PI4K2A: variants seen among roughly 807,000 people sequenced by gnomAD.
PI4K2A encodes the protein phosphatidylinositol 4-kinase type 2 alpha.
In PI4K2A, 20 loss-of-function variants were observed where a neutral mutation model predicts 55.0. That is an observed-to-expected ratio of 0.36 (90% CI 0.26 to 0.53). The LOEUF is 0.53. Among genes scored for constraint, PI4K2A ranks in the 20% least tolerant of loss-of-function variants. The probability of loss-of-function intolerance (pLI) is 0.91; values close to 1 mark genes in which losing one functional copy is unlikely to be tolerated. For synonymous variants in PI4K2A, 235 were observed against 258.5 expected, an observed-to-expected ratio of 0.91 and a Z score of 0.87; for missense variants, 463 against 637.1, an observed-to-expected ratio of 0.73 and a Z score of 2.94.
intron 1 of PI4K2A, among the ~76,000 whole-genome samples, chr10:97,643,919 A>G (rs950778658): frequency 6.6e-6 from 1 of 152,224 alleles, no homozygotes; most frequent in Admixed American, 6.5e-5. Flanking sequence ...AGGTGACAAC[A>G]CAAGCCCATG....
intron 4 of PI4K2A, among the ~76,000 whole-genome samples, chr10:97,657,982 C>T (rs969309681): frequency 2.6e-5 from 4 of 152,078 alleles, no homozygotes; most frequent in African/African-American, 7.2e-5. Flanking sequence ...ATTACAGACA[C>T]CCGCCATCAT....
intron 4 of PI4K2A, among the ~76,000 whole-genome samples, chr10:97,658,529 T>G (rs1360587439): frequency 1.3e-5 from 2 of 152,322 alleles, no homozygotes; most frequent in Admixed American, 1.3e-4. Flanking sequence ...AGACCCTGCT[T>G]TCAGTTTTTT....
chr10:97,674,098 C>A, exon 9 of PI4K2A: 1 of 187,590 alleles, frequency 5.3e-6, no homozygotes, highest in East Asian at 1.3e-4. Flanking sequence ...GAAAAACAAA[C>A]AAAACAAAAA....
At chr10:97,668,314 A>T (rs1244079275) in intron 8 of PI4K2A, among the ~76,000 whole-genome samples, 1 of 152,214 alleles carries the variant, frequency 6.6e-6, no homozygotes, top group African/African-American at 2.4e-5. Flanking sequence ...ATGGTGGCTC[A>T]CACTTGTAAT....
intron 1 of PI4K2A, among the ~76,000 whole-genome samples, chr10:97,643,303 G>C (rs1444283073): frequency 1.3e-5 from 2 of 152,116 alleles, no homozygotes; most frequent in Non-Finnish European, 2.9e-5. Flanking sequence ...TTTGTGGGCA[G>C]AGGGTATTTT....
chr10:97,665,023 C>A, intron 6 of PI4K2A, 39 bp downstream of exon 6: 1 of 1,259,640 alleles, frequency 7.9e-7, no homozygotes, highest in Non-Finnish European at 1.2e-6. Context: ...TCTTCCCTTG[C>A]TCAGTATATT....
chr10:97,670,016 C>T (rs2041627669), intron 8 of PI4K2A, among the ~76,000 whole-genome samples: 1 of 152,068 alleles, frequency 6.6e-6, no homozygotes, highest in African/African-American at 2.4e-5. Context: ...AAGAAGTCCT[C>T]CCCCCTCAGC....
intron 1 of PI4K2A, among the ~76,000 whole-genome samples, chr10:97,647,071 G>A (rs2135753089): frequency 6.6e-6 from 1 of 152,036 alleles, no homozygotes; most frequent in East Asian, 1.9e-4. Context: ...GTGAGCCACT[G>A]CGCTGGGCTC....
intron 1 of PI4K2A, among the ~76,000 whole-genome samples, chr10:97,648,092 ATTTT>A (rs11332690): frequency 5.0e-5 from 6 of 120,682 alleles, no homozygotes; most frequent in African/African-American, 6.6e-5. Context: ...CACTTAGCTA[ATTTT>A]TTTTTTTTTT....
chr10:97,654,578 T>C (rs1466427800), intron 2 of PI4K2A, among the ~76,000 whole-genome samples: 1 of 152,250 alleles, frequency 6.6e-6, no homozygotes, highest in Non-Finnish European at 1.5e-5. Flanking sequence ...TGTTGCTGTC[T>C]CTGAAAGAAG....
intron 1 of PI4K2A, among the ~76,000 whole-genome samples, chr10:97,644,824 G>C (rs1365913887): frequency 6.6e-6 from 1 of 152,252 alleles, no homozygotes; most frequent in South Asian, 2.1e-4. Flanking sequence ...AAAAATCATG[G>C]GTCTTGTGTC....
intron 6 of PI4K2A, among the ~76,000 whole-genome samples, chr10:97,665,190 C>T (rs2041603901): frequency 6.6e-6 from 1 of 152,162 alleles, no homozygotes; most frequent in Non-Finnish European, 1.5e-5. Context: ...CTATGATTCC[C>T]ATTACAAGCA....
intron 8 of PI4K2A, among the ~76,000 whole-genome samples, chr10:97,668,211 T>C (rs571632092): frequency 6.6e-6 from 1 of 152,216 alleles, no homozygotes; most frequent in Non-Finnish European, 1.5e-5. Flanking sequence ...TGCCATTTAC[T>C]ACCTGTGAGA....
At chr10:97,652,759 G>C (rs560457669) in intron 2 of PI4K2A, among the ~76,000 whole-genome samples, 10 of 152,300 alleles carry the variant, frequency 6.6e-5, no homozygotes, top group Admixed American at 1.3e-4. Context: ...TAGCCAACTA[G>C]TTTGTAAGTT....
At chr10:97,641,009 G>A (rs7909811) in exon 1 of PI4K2A, 4 of 1,561,732 alleles carry the variant, frequency 2.6e-6, no homozygotes, top group Non-Finnish European at 3.4e-6. Context: ...CTCAGGCCGC[G>A]GCGGCAGCCC....
At chr10:97,651,225 T>C (rs761812930) in intron 2 of PI4K2A, 84 bp downstream of exon 2, 49 of 979,954 alleles carry the variant, frequency 5.0e-5, no homozygotes, top group Non-Finnish European at 7.8e-5. Flanking sequence ...AGTGGGACCT[T>C]GGGTCCAGTG....
At chr10:97,672,985 T>C (rs1308754356) in intron 8 of PI4K2A, among the ~76,000 whole-genome samples, 1 of 151,482 alleles carries the variant, frequency 6.6e-6, no homozygotes, top group Non-Finnish European at 1.5e-5. Flanking sequence ...GTGTTTTTTT[T>C]TTTTCTTTTT....
At position 97,656,996 on chromosome 10, in the gene PI4K2A, C is replaced by T; in HGVS notation, c.922+22C>T. The T allele has an allele frequency of 6.2e-7, 1 of 1,613,806 alleles. No individual in the cohort carries two copies. Among genetic ancestry groups the T allele is most frequent in the Non-Finnish European group, 8.5e-7 (1 of 1,179,804 alleles). ...ACTGGTGAGCAGCTGCAGGTGGTCC[C>T]ATGCCCTGTGCCAGACTGTGTTGAG... On this transcript the variant is annotated intron_variant, in intron 4 of 8. Coordinates refer to ENST00000370631, the Ensembl canonical transcript of PI4K2A. This position sits in a 1 kb window ranked among gnomAD's most constrained non-coding sequence, Gnocchi z 4.5.
At chr10:97,640,718 G>A (rs768849757) in exon 1 of PI4K2A, 16 of 1,449,970 alleles carry the variant, frequency 1.1e-5, no homozygotes, top group Admixed American at 2.5e-5. Context: ...GAGCGCGCCG[G>A]GTCCCGGAGC....
Sources: allele counts gnomAD v4.1 joint callset (sites outside exome capture counted in the v4.1 genomes callset), GRCh38; gene constraint gnomAD v4.1.1; non-coding constraint Gnocchi (gnomAD v3.1); transcripts MANE v1.5; gene names NCBI Gene and HGNC (gene_info 2026-07-23, HGNC 2026-07-21).